Variants in TOGARAM1 observed in about 807,000 individuals in gnomAD.
TOGARAM1 encodes TOG array regulator of axonemal microtubules 1, also known as TOG array regulator of axonemal microtubules protein 1.
A neutral mutation model predicts 166.6 loss-of-function variants in TOGARAM1; 100 were observed. That is an observed-to-expected ratio of 0.60 (90% CI 0.51 to 0.71). The LOEUF is 0.71. Among genes scored for constraint, TOGARAM1 ranks in the 30% least tolerant of loss-of-function variants. The pLI is 0.00. For missense variants in TOGARAM1, 2,029 were observed against 2,102.7 expected (o/e 0.96, Z 0.69); for synonymous variants, 758 against 763.8 (o/e 0.99, Z 0.13).
Position 44,963,863 on chromosome 14 carries a change from A to G in TOGARAM1, c.1442A>G (p.His481Arg), listed in dbSNP as rs779072932. Residue 481 changes from histidine to arginine, a missense_variant, in exon 1 of 20, where the codon CAT becomes CGT. Physicochemically the swap from His to Arg is conservative, Grantham distance 29. Around this residue, in one of 2 missense-constraint regions of TOGARAM1, gnomAD observed 1,453 missense variants for 1,432.2 expected, o/e 1.01. Transcript: ENST00000361462. ...TGTTTACTCCTGGAACATCTCAAACATAAGCATTCCAGAGTGAGAGAGGAG... is the reference window on the plus strand; with the variant it reads ...TGTTTACTCCTGGAACATCTCAAACGTAAGCATTCCAGAGTGAGAGAGGAG... ...VLCLLLEHLKHKHSRVREEVV... is the reference protein window; with the variant it reads ...VLCLLLEHLKRKHSRVREEVV... 6.2e-6 allele frequency: 10 copies of G among 1,614,062 alleles called. No individual in the cohort carries two copies. In the African/African-American group the frequency reaches 9.3e-5, roughly 15 times the overall value.
At chr14:45,044,606 CAAAATG>C (rs1199960313) in intron 12 of TOGARAM1, 23 bp from the exon 13 acceptor site, 4 of 1,493,914 alleles carry the variant, frequency 2.7e-6, no homozygotes, top group Non-Finnish European at 3.7e-6. Context: ...AGAATATCAG[CAAAATG>C]TACATTTTGA....
chr14:44,988,757 G>A (rs1886986123), intron 1 of TOGARAM1, among the ~76,000 whole-genome samples: 1 of 152,198 alleles, frequency 6.6e-6, no homozygotes. Context: ...TCATAAAAAG[G>A]CACTGCAGCT....
intron 4 of TOGARAM1, among the ~76,000 whole-genome samples, chr14:45,005,065 G>A (rs944186763): frequency 2.6e-5 from 4 of 151,630 alleles, no homozygotes; most frequent in Non-Finnish European, 5.9e-5. Context: ...ATAGGCATGC[G>A]CCACCATGCC....
intron 11 of TOGARAM1, among the ~76,000 whole-genome samples, chr14:45,043,085 GTGTAGCTACT>G (rs1451679402): frequency 6.6e-6 from 1 of 152,082 alleles, no homozygotes; most frequent in African/African-American, 2.4e-5. Flanking sequence ...CTGCTGTTTC[GTGTAGCTACT>G]TGTATCTATT....
At chr14:44,976,988 A>G (rs910309744) in intron 1 of TOGARAM1, among the ~76,000 whole-genome samples, 14 of 152,198 alleles carry the variant, frequency 9.2e-5, no homozygotes, top group African/African-American at 3.4e-4. Context: ...CAAAATTGCT[A>G]ACGATTAAAA....
intron 7 of TOGARAM1, among the ~76,000 whole-genome samples, chr14:45,016,540 C>T (rs1187138774): frequency 1.3e-5 from 2 of 152,232 alleles, no homozygotes; most frequent in African/African-American, 2.4e-5. Context: ...CCACCACACC[C>T]GGCCCACACC....
intron 1 of TOGARAM1, among the ~76,000 whole-genome samples, chr14:44,992,075 A>T: frequency 8.1e-6 from 1 of 122,744 alleles, no homozygotes; most frequent in African/African-American, 4.1e-5. Context: ...TGTCTGTTAA[A>T]AAAAAAAAAA....
intron 1 of TOGARAM1, among the ~76,000 whole-genome samples, chr14:44,992,838 C>T (rs560965672): frequency 2.5e-4 from 38 of 151,346 alleles, no homozygotes; most frequent in African/African-American, 8.9e-4. Flanking sequence ...AGGATGGTCT[C>T]GATCTCCTGA....
chr14:45,070,910 CTGTTGT>C (rs60368970), intron 18 of TOGARAM1, among the ~76,000 whole-genome samples: 5 of 151,530 alleles, frequency 3.3e-5, no homozygotes, highest in South Asian at 2.1e-4. Flanking sequence ...TTCCCTTTTT[CTGTTGT>C]TGTTGTTGTT....
At chr14:44,989,136 A>G (rs750331957) in intron 1 of TOGARAM1, among the ~76,000 whole-genome samples, 3 of 152,170 alleles carry the variant, frequency 2.0e-5, no homozygotes, top group Non-Finnish European at 4.4e-5. Context: ...AATTCCCAAA[A>G]ATTTGATAAG....
rs79558126 is a variant in TOGARAM1, at chr14:45,065,588, A to G, written c.4560-990A>G. 3.0e-3 allele frequency among the ~76,000 whole-genome samples: 454 copies of G among 152,282 alleles called. 7 individuals are homozygous for G. Among genetic ancestry groups the G allele is most frequent in the African/African-American group, 0.01 (418 of 41,558 alleles). On this transcript the variant is annotated intron_variant, in intron 16 of 19. Coordinates refer to ENST00000361462, the MANE Select transcript of TOGARAM1 (RefSeq NM_001308120.2). Reference sequence around the variant, plus strand: ...TAGCCACGAAAAATATTATGCTATGAATACTGTCATTGCCATAATAATTCC... The same window carrying G: ...TAGCCACGAAAAATATTATGCTATGGATACTGTCATTGCCATAATAATTCC...
intron 16 of TOGARAM1, among the ~76,000 whole-genome samples, chr14:45,059,688 AAAC>A (rs548861818): frequency 5.3e-4 from 81 of 151,916 alleles, no homozygotes; most frequent in African/African-American, 1.9e-3. Flanking sequence ...ACAAAACAAA[AAAC>A]AAACACTATT....
chr14:44,988,167 A>G (rs1771251647), intron 1 of TOGARAM1, among the ~76,000 whole-genome samples: 1 of 151,782 alleles, frequency 6.6e-6, no homozygotes, highest in Non-Finnish European at 1.5e-5. Context: ...TGATGAGTTA[A>G]TGGGTGCAGC....
intron 7 of TOGARAM1, among the ~76,000 whole-genome samples, chr14:45,012,417 A>T (rs568443693): frequency 6.6e-6 from 1 of 152,340 alleles, no homozygotes. Context: ...TGTGCAGCAT[A>T]GTTTGGGAAC....
At chr14:45,071,882 T>C in intron 19 of TOGARAM1, 84 bp downstream of exon 19, 3 of 1,026,836 alleles carry the variant, frequency 2.9e-6, no homozygotes, top group Non-Finnish European at 4.2e-6. Flanking sequence ...TTAGGATAGC[T>C]ACCAACTTAA....
Position 45,046,545 on chromosome 14 carries a change from C to G in TOGARAM1, c.4155C>G (p.Ser1385Arg). 1 of 1,290,962 alleles carries G rather than the reference C, an allele frequency of 7.7e-7. No homozygotes were observed. The highest frequency in any genetic ancestry group is 2.8e-5 in the South Asian group (1 of 35,176). 80.0% of individuals were successfully genotyped at this position (1,290,962 alleles called of 1,614,324 possible). ...AVVSLINGGQ[S>R]HLHIAVRRCT... is the part of the protein sequence containing the mutation. The stretch of plus-strand genomic sequence containing the variant: ...TTTAATTGATCATGTCTCCTTGTAG[C>G]CATTTACACATTGCTGTAAGAAGGT... Residue 1385 changes from serine to arginine, a missense_variant and splice_region_variant, in exon 14 of 20, where the codon AGC becomes AGG. Physicochemically the swap from Ser to Arg is moderately radical, Grantham distance 110 (BLOSUM62 -1). This residue lies in a region of TOGARAM1 where 576 missense variants were observed against 670.5 expected (regional missense o/e 0.86). Transcript: ENST00000361462.
intron 3 of TOGARAM1, 139 bp downstream of exon 3, chr14:44,999,636 T>A (rs933765446): frequency 3.6e-5 from 25 of 696,732 alleles, no homozygotes; most frequent in Non-Finnish European, 5.1e-5. Context: ...TAATAACTTT[T>A]TTCATAATTG....
chr14:45,042,697 A>G (rs1015893417), intron 11 of TOGARAM1, among the ~76,000 whole-genome samples: 1 of 152,188 alleles, frequency 6.6e-6, no homozygotes, highest in Non-Finnish European at 1.5e-5. Flanking sequence ...GCACAGTAGT[A>G]TTGTGCCTAA....
chr14:45,004,352 C>T lies in TOGARAM1; in HGVS notation c.2630C>T (p.Thr877Met), dbSNP rs377532752. Residue 877 changes from threonine to methionine, a missense_variant, in exon 4 of 20, where the codon ACG (threonine) becomes ATG (methionine). Transcript: ENST00000361462. ...GTCAGCCAAAAATCGTCTGATCCTA[C>T]GGGTAGAAATCATGGTAAAAGTCAA... ...KLVSQKSSDP[T>M]GRNHGENSQE... 5.5e-5 allele frequency: 89 copies of T among 1,612,854 alleles called. No homozygotes were observed. Among genetic ancestry groups the T allele is most frequent in the Middle Eastern group, 3.3e-4 (2 of 6,074 alleles).
Sources: gnomAD v4.1 joint callset for allele counts (sites outside exome capture counted in the v4.1 genomes callset) on GRCh38, gnomAD v4.1.1 for gene constraint, gnomAD v4.1.1 regional missense constraint, MANE v1.5 for transcripts, NCBI Gene and HGNC (gene_info 2026-07-23, HGNC 2026-07-21) for gene names.